Variants in LRRC8B observed in about 807,000 individuals in gnomAD.
LRRC8B encodes the protein volume-regulated anion channel subunit LRRC8B.
LRRC8B carries 23 observed loss-of-function variants against 58.8 expected under a neutral mutation model. That is an observed-to-expected ratio of 0.39 (90% CI 0.28 to 0.55). LRRC8B has a LOEUF of 0.55. Among genes scored for constraint, LRRC8B ranks in the 20% least tolerant of loss-of-function variants. LRRC8B has a pLI of 0.62. For synonymous variants in LRRC8B, 359 were observed against 374.1 expected (o/e 0.96, Z 0.47); for missense variants, 694 against 936.0 (o/e 0.74, Z 3.37).
chr1:89,525,606 C>T (rs1649627280), intron 1 of LRRC8B, among the ~76,000 whole-genome samples: 2 of 152,184 alleles, frequency 1.3e-5, no homozygotes, highest in African/African-American at 4.8e-5. Flanking sequence ...CAAGCGTTAC[C>T]AATTTAAGAA....
Position 89,583,210 on chromosome 1 carries a change from A to G in LRRC8B, c.560A>G (p.Lys187Arg). 2 of 1,614,166 alleles carry G rather than the reference A, an allele frequency of 1.2e-6. No individual in the cohort carries two copies. The highest frequency in any genetic ancestry group is 8.5e-7 in the Non-Finnish European group (1 of 1,180,026). Residue 187 changes from lysine to arginine, a missense_variant, in exon 5 of 6, where the codon AAG becomes AGG. Coordinates refer to ENST00000330947, the MANE Select transcript of LRRC8B (RefSeq NM_001369817.2). This position sits in a 1 kb window ranked among gnomAD's most constrained non-coding sequence, Gnocchi z 5.2. ...SVRPLKLSKS[K>R]ILLSSSGCSA... ...AGGCCTCTGAAACTCTCCAAGTCCA[A>G]GATTTTGCTTTCGTCCTCAGGGTGT...
intron 1 of LRRC8B, among the ~76,000 whole-genome samples, chr1:89,562,931 G>T (rs1384470968): frequency 1.3e-5 from 2 of 152,102 alleles, no homozygotes; most frequent in East Asian, 1.9e-4. Context: ...AGGCAGGCAG[G>T]ATGGAAGAAT....
At chr1:89,553,448 C>T (rs188377010) in intron 1 of LRRC8B, among the ~76,000 whole-genome samples, 83 of 152,292 alleles carry the variant, frequency 5.5e-4, no homozygotes, top group African/African-American at 1.9e-3. Context: ...CAGAATATAT[C>T]TGGCACCCTT....
intron 1 of LRRC8B, among the ~76,000 whole-genome samples, chr1:89,567,913 G>GC (rs1394449390): frequency 6.6e-6 from 1 of 152,028 alleles, no homozygotes; most frequent in Non-Finnish European, 1.5e-5. Context: ...TATCAAAAAA[G>GC]CCTGTGATAT....
chr1:89,530,366 AAATAAATAAATAAAT>A (rs1400794530), intron 1 of LRRC8B, among the ~76,000 whole-genome samples: 70 of 118,650 alleles, frequency 5.9e-4, no homozygotes, highest in East Asian at 1.8e-3. Context: ...CTCCAAAAAT[AAATAAATAAATAAAT>A]AATAAATAAA....
At chr1:89,563,008 A>G (rs989854567) in intron 1 of LRRC8B, among the ~76,000 whole-genome samples, 2 of 152,206 alleles carry the variant, frequency 1.3e-5, no homozygotes, top group Non-Finnish European at 2.9e-5. Flanking sequence ...TGAATTATGA[A>G]CAAAGCAAAT....
intron 3 of LRRC8B, among the ~76,000 whole-genome samples, chr1:89,579,238 T>G (rs1654058525): frequency 6.6e-6 from 1 of 152,238 alleles, no homozygotes; most frequent in African/African-American, 2.4e-5. Flanking sequence ...ACACAGAATT[T>G]TAAAATATGT....
At chr1:89,579,793 G>A (rs1654095451) in intron 4 of LRRC8B, 105 bp downstream of exon 4, 1 of 152,502 alleles carries the variant, frequency 6.6e-6, no homozygotes, top group South Asian at 2.1e-4. Flanking sequence ...TAGAGCTATT[G>A]TTGTTTTCAT....
rs547833319 is a variant in LRRC8B at position 89,552,828 on chromosome 1, C to T, written c.-240-15419C>T. Among the ~76,000 whole-genome samples the T allele has an allele frequency of 5.9e-5, 9 of 152,286 alleles. No homozygotes were observed. The East Asian group carries it at 1.5e-3, about 26-fold the overall frequency. The stretch of plus-strand genomic sequence containing the variant: ...TTTGCATAGAAGACTGGGGACACTG[C>T]CACACAAGAAAATGAAGAATTATGC... On this transcript the variant is annotated intron_variant, in intron 1 of 5. Transcript: ENST00000330947.
At position 89,579,663 on chromosome 1, in the gene LRRC8B, G is replaced by T. The variant is rs192955522; in HGVS notation, c.-52G>T. 6 of 152,302 alleles carry T rather than the reference G, an allele frequency of 3.9e-5. No individual in the cohort carries two copies. In the East Asian group the frequency reaches 1.2e-3, roughly 30 times the overall value. The allele number at this position is 152,302 out of a possible 1,614,324, so 9.4% of individuals were successfully genotyped here. A position where few individuals can be genotyped will look rare whatever the true frequency, so the allele number is the denominator to read the frequency against. On this transcript the variant is annotated 5_prime_UTR_variant, in exon 4 of 6. Coordinates refer to ENST00000330947, the MANE Select transcript of LRRC8B (RefSeq NM_001369817.2). ...GTAGACCTCCTGACTGAAGCATATTGGATTTATTTAATTTTTTTCACTGTA... is the reference window on the plus strand; with the variant it reads ...GTAGACCTCCTGACTGAAGCATATTTGATTTATTTAATTTTTTTCACTGTA...
intron 1 of LRRC8B, among the ~76,000 whole-genome samples, chr1:89,564,032 G>A (rs1438532553): frequency 1.3e-5 from 2 of 152,164 alleles, no homozygotes; most frequent in African/African-American, 4.8e-5. Context: ...TCATATATGG[G>A]TAATATGGTT....
At position 89,584,285 on chromosome 1, in the gene LRRC8B, G is replaced by C. The variant is rs778059712; in HGVS notation, c.1635G>C (p.Leu545Phe). The C allele has an allele frequency of 1.2e-6, 2 of 1,614,006 alleles. No individual in the cohort carries two copies. Among genetic ancestry groups the C allele is most frequent in the East Asian group, 4.5e-5 (2 of 44,884 alleles). Reference protein sequence around the residue: ...QDLKNLRTLYLKSSLSRIPQV... With the variant: ...QDLKNLRTLYFKSSLSRIPQV... The stretch of plus-strand genomic sequence containing the variant: ...TAAAAAATCTAAGGACCCTGTACTT[G>C]AAGAGCAGCCTCTCCCGGATCCCAC... The change falls in exon 5 of 6, where the codon TTG (leucine) becomes TTC (phenylalanine). Residue 545 changes from leucine to phenylalanine, a missense_variant. Transcript: ENST00000330947.
At chr1:89,533,925 G>A (rs1418952872) in intron 1 of LRRC8B, among the ~76,000 whole-genome samples, 1 of 152,174 alleles carries the variant, frequency 6.6e-6, no homozygotes, top group Non-Finnish European at 1.5e-5. Flanking sequence ...CTGTTGATAG[G>A]TATCAGTTGA....
chr1:89,529,067 A>G (rs1030172546), intron 1 of LRRC8B, among the ~76,000 whole-genome samples: 1 of 152,220 alleles, frequency 6.6e-6, no homozygotes, highest in Non-Finnish European at 1.5e-5. Context: ...TCCAAACACC[A>G]TAGCTATCCT....
At position 89,582,868 on chromosome 1, in the gene LRRC8B, T is replaced by C. The variant is rs760640193; in HGVS notation, c.218T>C (p.Leu73Pro). Reference sequence around the variant, plus strand: ...CACTGTGCCGTGCCTTGGGACATCCTGAAAGCCAGCATGAACACATCCTCT... The same window carrying C: ...CACTGTGCCGTGCCTTGGGACATCCCGAAAGCCAGCATGAACACATCCTCT... ...DNHCAVPWDILKASMNTSSNP... is the reference protein window; with the variant it reads ...DNHCAVPWDIPKASMNTSSNP... The change falls in exon 5 of 6, where the codon CTG becomes CCG. Residue 73 changes from leucine to proline, a missense_variant. By Grantham distance (98) the Leu-to-Pro change is moderately conservative (BLOSUM62 -3). Around this residue, in one of 5 missense-constraint regions of LRRC8B, gnomAD observed 316 missense variants for 403.8 expected, o/e 0.78. Transcript: ENST00000330947. The C allele has an allele frequency of 6.2e-6, 10 of 1,614,090 alleles. No homozygotes were observed. The Admixed American group carries it at 1.5e-4, about 24-fold the overall frequency.
intron 4 of LRRC8B, among the ~76,000 whole-genome samples, chr1:89,580,690 G>T (rs889833864): frequency 6.6e-6 from 1 of 152,190 alleles, no homozygotes; most frequent in African/African-American, 2.4e-5. Flanking sequence ...CTAAACTGGA[G>T]TGAAGGAGAG....
intron 1 of LRRC8B, among the ~76,000 whole-genome samples, chr1:89,528,623 C>T (rs1649877963): frequency 6.6e-6 from 1 of 152,190 alleles, no homozygotes; most frequent in African/African-American, 2.4e-5. Context: ...CAAAATGATG[C>T]TTGTTTCTCT....
At chr1:89,534,618 T>G (rs1436645307) in intron 1 of LRRC8B, among the ~76,000 whole-genome samples, 12 of 152,216 alleles carry the variant, frequency 7.9e-5, no homozygotes. Context: ...TGAATTGTTA[T>G]TATGATTTTT....
chr1:89,579,407 A>G (rs1045752141), intron 3 of LRRC8B, among the ~76,000 whole-genome samples, 184 bp from the exon 4 acceptor site: 7 of 152,212 alleles, frequency 4.6e-5, no homozygotes, highest in Non-Finnish European at 7.3e-5. Flanking sequence ...AGCCAGGCAC[A>G]GTGGCTCACA....
Sources: gnomAD v4.1 joint callset for allele counts (sites outside exome capture counted in the v4.1 genomes callset) on GRCh38, gnomAD v4.1.1 for gene constraint, gnomAD v4.1.1 regional missense constraint, Gnocchi (gnomAD v3.1) non-coding constraint, MANE v1.5 for transcripts, NCBI Gene and HGNC (gene_info 2026-07-23, HGNC 2026-07-21) for gene names.